The following RBFOX1 variants were observed in gnomAD, a reference collection of about 807,000 sequenced individuals.
RBFOX1 encodes RNA binding protein fox-1 homolog 1.
In RBFOX1, 8 loss-of-function variants were observed where a neutral mutation model predicts 57.7. That is an observed-to-expected ratio of 0.14 (90% CI 0.08 to 0.25). RBFOX1 has a LOEUF of 0.25. RBFOX1 is among the 10% of genes least tolerant of loss of function. The probability of loss-of-function intolerance (pLI) is 1.00; values close to 1 mark genes in which losing one functional copy is unlikely to be tolerated. For synonymous variants in RBFOX1, 326 were observed against 222.4 expected (o/e 1.47, Z -4.15); for missense variants, 611 against 548.5 (o/e 1.11, Z -1.14).
At chr16:5,312,766 C>G (rs1227760057) in intron 1 of RBFOX1, among the ~76,000 whole-genome samples, 1 of 152,140 alleles carries the variant, frequency 6.6e-6, no homozygotes. Flanking sequence ...CCTATAGTGG[C>G]TGATGCTGCA....
chr16:6,720,309 C>G (rs1466145456), intron 3 of RBFOX1, among the ~76,000 whole-genome samples: 3 of 152,114 alleles, frequency 2.0e-5, no homozygotes, highest in Admixed American at 6.5e-5. Context: ...CTACGTAAGA[C>G]ATGCCAGCTT....
At chr16:5,435,129 T>C (rs2067876049) in intron 1 of RBFOX1, among the ~76,000 whole-genome samples, 1 of 152,236 alleles carries the variant, frequency 6.6e-6, no homozygotes. Flanking sequence ...CCCTGAATTA[T>C]CTGTTTCTTC....
intron 1 of RBFOX1, among the ~76,000 whole-genome samples, chr16:6,144,153 G>T (rs2096740427): frequency 6.6e-6 from 1 of 151,924 alleles, no homozygotes; most frequent in Non-Finnish European, 1.5e-5. Context: ...CTATAGCATG[G>T]ATCAACAAAT....
intron 4 of RBFOX1, among the ~76,000 whole-genome samples, chr16:7,435,834 C>T (rs1204579547): frequency 1.3e-5 from 2 of 152,210 alleles, no homozygotes; most frequent in African/African-American, 4.8e-5. Flanking sequence ...TTCCTCCATG[C>T]ACTAAGTTGT....
In RBFOX1 at chr16:7,398,347, A is replaced by G. The variant is rs911241528; in HGVS notation, c.28-119800A>G. 2.0e-5 allele frequency among the ~76,000 whole-genome samples: 3 copies of G among 152,220 alleles called. 1 individual carries two copies. The highest frequency in any genetic ancestry group is 1.5e-5 in the Non-Finnish European group (1 of 68,044). On this transcript the variant is annotated intron_variant, in intron 4 of 15. Transcript: ENST00000550418. ...CTTTCTTCATCTGTAAGATGGGGAC[A>G]GAGAACTATCTCAGTGTTACAGAAA... is the stretch of plus-strand genomic sequence containing the variant.
chr16:5,841,231 G>A (rs1386915528), intron 3 of RBFOX1, among the ~76,000 whole-genome samples: 1 of 152,288 alleles, frequency 6.6e-6, no homozygotes, highest in East Asian at 1.9e-4. Flanking sequence ...TGAAGAAACG[G>A]AAGCATGAGG....
chr16:7,073,263 A>C (rs2057689147), intron 4 of RBFOX1, among the ~76,000 whole-genome samples: 1 of 152,168 alleles, frequency 6.6e-6, no homozygotes, highest in Non-Finnish European at 1.5e-5. Flanking sequence ...TTTACCTGCA[A>C]AGCCTAAAAT....
Position 7,137,698 on chromosome 16 carries a change from G to T in RBFOX1, c.27+85600G>T, listed in dbSNP as rs890325091. 2.6e-5 allele frequency among the ~76,000 whole-genome samples: 4 copies of T among 152,154 alleles called. No individual in the cohort carries two copies. The East Asian group carries it at 7.7e-4, about 29-fold the overall frequency. ...AGCTCCTTGGTTAGAAGCCTGATAC[G>T]TGACAACAGCAACTTAACTCAAAGG... On this transcript the variant is annotated intron_variant, in intron 4 of 15. Coordinates refer to ENST00000550418, the MANE Select transcript of RBFOX1 (RefSeq NM_018723.4).
chr16:7,227,371 C>CT (rs532944884), intron 4 of RBFOX1, among the ~76,000 whole-genome samples: 94 of 149,594 alleles, frequency 6.3e-4, no homozygotes, highest in African/African-American at 2.0e-3. Context: ...ACTTAGCTCA[C>CT]TGCATAATCC....
chr16:5,400,193 G>A (rs2151436932), intron 1 of RBFOX1, among the ~76,000 whole-genome samples: 1 of 151,996 alleles, frequency 6.6e-6, no homozygotes, highest in South Asian at 2.1e-4. Flanking sequence ...CCGGGTTCAA[G>A]CGATTCTGCT....
intron 3 of RBFOX1, among the ~76,000 whole-genome samples, chr16:7,015,201 C>T (rs1212687140): frequency 6.6e-6 from 1 of 152,142 alleles, no homozygotes; most frequent in Non-Finnish European, 1.5e-5. Context: ...GCAGCAGATG[C>T]ATCCAGTGGC....
chr16:6,492,326 T>A (rs2095651368), intron 2 of RBFOX1, among the ~76,000 whole-genome samples: 1 of 152,180 alleles, frequency 6.6e-6, no homozygotes, highest in Non-Finnish European at 1.5e-5. Context: ...ATCCAACACT[T>A]TGGGAGGCCA....
intron 3 of RBFOX1, among the ~76,000 whole-genome samples, chr16:5,687,899 A>G (rs928188981): frequency 3.3e-5 from 5 of 151,966 alleles, no homozygotes; most frequent in Non-Finnish European, 7.4e-5. Context: ...AACAAAGCAG[A>G]CTCTGCTCTA....
chr16:5,573,843 A>T (rs1596319164), intron 2 of RBFOX1, among the ~76,000 whole-genome samples: 1 of 152,108 alleles, frequency 6.6e-6, no homozygotes, highest in Admixed American at 6.6e-5. Flanking sequence ...AGTCCCAGCT[A>T]CTTGGGAGGC....
chr16:6,531,116 T>A (rs1222129765), intron 2 of RBFOX1, among the ~76,000 whole-genome samples: 2 of 152,352 alleles, frequency 1.3e-5, no homozygotes, highest in Non-Finnish European at 2.9e-5. Context: ...AAGTCACTTG[T>A]GCTTACCATG....
chr16:7,129,970 A>C (rs1052785652), intron 4 of RBFOX1, among the ~76,000 whole-genome samples: 3 of 151,868 alleles, frequency 2.0e-5, no homozygotes, highest in African/African-American at 7.3e-5. Context: ...GCAATACCAA[A>C]TAGGATATAT....
intron 2 of RBFOX1, among the ~76,000 whole-genome samples, chr16:5,477,464 G>C (rs1471227952): frequency 6.6e-6 from 1 of 152,306 alleles, no homozygotes; most frequent in Non-Finnish European, 1.5e-5. Flanking sequence ...TTTCCTACCA[G>C]GTGGCCCAGA....
At chr16:6,931,456 C>G (rs1294032835) in intron 3 of RBFOX1, among the ~76,000 whole-genome samples, 4 of 152,130 alleles carry the variant, frequency 2.6e-5, no homozygotes, top group Admixed American at 6.5e-5. Context: ...GGACCAGCAT[C>G]TCTGCAGGGT....
intron 2 of RBFOX1, among the ~76,000 whole-genome samples, chr16:6,487,245 G>T (rs979651832): frequency 3.3e-5 from 5 of 151,366 alleles, no homozygotes; most frequent in Admixed American, 3.3e-4. Flanking sequence ...GCAAAACTAG[G>T]TTATGAATTC....
Sources: allele counts gnomAD v4.1 joint callset (sites outside exome capture counted in the v4.1 genomes callset), GRCh38; gene constraint gnomAD v4.1.1; transcripts MANE v1.5; gene names NCBI Gene and HGNC (gene_info 2026-07-23, HGNC 2026-07-21).